The following TAX1BP1 variants were observed in gnomAD, a reference collection of about 807,000 sequenced individuals.
TAX1BP1 encodes tax1-binding protein 1.
TAX1BP1 carries 62 observed loss-of-function variants against 97.7 expected under a neutral mutation model. That is an observed-to-expected ratio of 0.63 (90% CI 0.52 to 0.78). The LOEUF (loss-of-function observed/expected upper bound fraction) is 0.78, where lower values mean the gene tolerates loss of function less well. TAX1BP1 is among the 30% of genes least tolerant of loss of function. The pLI, the probability that TAX1BP1 is intolerant of heterozygous loss-of-function variation, is 0.00. For synonymous variants in TAX1BP1, 340 were observed against 304.2 expected, an observed-to-expected ratio of 1.12 and a Z score of -1.23; for missense variants, 867 against 916.1, an observed-to-expected ratio of 0.95 and a Z score of 0.69.
At chr7:27,752,958 T>A (rs554224034) in intron 2 of TAX1BP1, among the ~76,000 whole-genome samples, 10 of 152,362 alleles carry the variant, frequency 6.6e-5, no homozygotes, top group Admixed American at 1.3e-4. Flanking sequence ...GCATGGATTT[T>A]CTTTAGTGAC....
chr7:27,783,248 A>C (rs553988388), intron 5 of TAX1BP1, among the ~76,000 whole-genome samples: 1 of 152,358 alleles, frequency 6.6e-6, no homozygotes. Context: ...AATGACTAAA[A>C]GTGTTTTAGA....
intron 15 of TAX1BP1, among the ~76,000 whole-genome samples, chr7:27,825,533 G>A (rs1791145051): frequency 6.6e-6 from 1 of 152,148 alleles, no homozygotes; most frequent in Admixed American, 6.5e-5. Flanking sequence ...ATTATAACAT[G>A]TAGAATTATA....
intron 1 of TAX1BP1, among the ~76,000 whole-genome samples, chr7:27,741,525 G>A (rs1236127747): frequency 6.7e-6 from 1 of 150,352 alleles, no homozygotes; most frequent in Non-Finnish European, 1.5e-5. Context: ...CCTTGAGATG[G>A]AGTCTTGCTC....
rs781544274 is a variant in TAX1BP1 at position 27,748,661 on chromosome 7, C to T, written c.137C>T (p.Pro46Leu). 11 of 1,558,158 alleles carry T rather than the reference C, an allele frequency of 7.1e-6. No homozygotes were observed. Among genetic ancestry groups the T allele is most frequent in the South Asian group, 1.2e-5 (1 of 80,168 alleles). Residue 46 changes from proline (P) to leucine (L), a missense_variant, in exon 2 of 17, where the codon CCA becomes CTA. Transcript: ENST00000396319. ...YTLTPYIHPH[P>L]KDWVGIFKVG... ...TTAACTCCATATATTCATCCACATC[C>T]AAAAGATTGGGTTGGTATATTCAAG...
In TAX1BP1 at chr7:27,800,107, T is replaced by C. The variant is rs1790076047; in HGVS notation, c.1764+17T>C. The C allele has an allele frequency of 6.4e-7, 1 of 1,553,930 alleles. No homozygotes were observed. Among genetic ancestry groups the C allele is most frequent in the Non-Finnish European group, 8.7e-7 (1 of 1,152,688 alleles). On this transcript the variant is annotated intron_variant, in intron 13 of 16. Coordinates refer to ENST00000396319, the MANE Select transcript of TAX1BP1 (RefSeq NM_006024.7). The stretch of plus-strand genomic sequence containing the variant: ...AATTATAAAGTAAGTTTGGTACTCC[T>C]TGTATGTAAACTTAAGGCATAAACT...
At chr7:27,764,575 GTTA>G (rs368460390) in intron 3 of TAX1BP1, among the ~76,000 whole-genome samples, 1 of 152,090 alleles carries the variant, frequency 6.6e-6, no homozygotes, top group Non-Finnish European at 1.5e-5. Flanking sequence ...TGTAAATAAA[GTTA>G]TTATTTTTTT....
intron 5 of TAX1BP1, among the ~76,000 whole-genome samples, chr7:27,770,654 G>A (rs188678805): frequency 6.6e-6 from 1 of 152,074 alleles, no homozygotes; most frequent in Non-Finnish European, 1.5e-5. Flanking sequence ...TAAATGAACC[G>A]CTAGTGCAGT....
At chr7:27,800,148 T>C (rs1790077743) in intron 13 of TAX1BP1, 58 bp downstream of exon 13, 1 of 1,447,198 alleles carries the variant, frequency 6.9e-7, no homozygotes, top group African/African-American at 1.4e-5. Flanking sequence ...AAATTAGTTA[T>C]GTATAATTTT....
At chr7:27,781,112 G>T (rs1167382372) in intron 5 of TAX1BP1, among the ~76,000 whole-genome samples, 1 of 152,066 alleles carries the variant, frequency 6.6e-6, no homozygotes, top group Non-Finnish European at 1.5e-5. Flanking sequence ...TTTGTAGCCT[G>T]TCTCTCTTCC....
chr7:27,762,988 T>G (rs1044091988), intron 3 of TAX1BP1, among the ~76,000 whole-genome samples: 1 of 152,170 alleles, frequency 6.6e-6, no homozygotes, highest in Non-Finnish European at 1.5e-5. Context: ...ATGCAATATG[T>G]TTTACAAGTT....
chr7:27,780,905 T>G (rs1279505301), intron 5 of TAX1BP1, among the ~76,000 whole-genome samples: 1 of 152,158 alleles, frequency 6.6e-6, no homozygotes, highest in Non-Finnish European at 1.5e-5. Context: ...TTTTCATAGT[T>G]TATTTCATAA....
intron 10 of TAX1BP1, among the ~76,000 whole-genome samples, chr7:27,793,920 C>T (rs1419086166): frequency 6.6e-6 from 1 of 152,124 alleles, no homozygotes; most frequent in Non-Finnish European, 1.5e-5. Context: ...TTTTTTAAAT[C>T]AGAGGAGACA....
intron 8 of TAX1BP1, 151 bp downstream of exon 8, chr7:27,787,754 T>TG (rs1680347909): frequency 3.0e-6 from 2 of 672,976 alleles, no homozygotes; most frequent in Non-Finnish European, 4.6e-6. Flanking sequence ...TGAATACTGA[T>TG]GTACCCTAAA....
intron 2 of TAX1BP1, among the ~76,000 whole-genome samples, chr7:27,755,391 CTATT>C (rs1165607345): frequency 3.3e-5 from 5 of 152,252 alleles, no homozygotes; most frequent in East Asian, 3.9e-4. Flanking sequence ...CCCCTCTTCT[CTATT>C]TCTTTCTTTC....
chr7:27,777,563 A>G (rs892879630), intron 5 of TAX1BP1, among the ~76,000 whole-genome samples: 3 of 151,986 alleles, frequency 2.0e-5, no homozygotes, highest in Non-Finnish European at 4.4e-5. Context: ...GCCTGGGTTA[A>G]TTTCCTCACA....
intron 4 of TAX1BP1, among the ~76,000 whole-genome samples, chr7:27,767,416 G>T (rs1788686095): frequency 6.6e-6 from 1 of 152,018 alleles, no homozygotes; most frequent in Non-Finnish European, 1.5e-5. Context: ...ACTTTTATTA[G>T]ACAGTCAAAC....
chr7:27,790,280 T>C (rs1417146836), intron 8 of TAX1BP1, among the ~76,000 whole-genome samples: 1 of 151,986 alleles, frequency 6.6e-6, no homozygotes, highest in African/African-American at 2.4e-5. Context: ...AACAACTGTG[T>C]AGTATATGTT....
chr7:27,788,205 T>C (rs2128316927), intron 8 of TAX1BP1, among the ~76,000 whole-genome samples: 1 of 152,188 alleles, frequency 6.6e-6, no homozygotes, highest in Non-Finnish European at 1.5e-5. Flanking sequence ...AGGTGAGACA[T>C]TTTTGCAAGA....
intron 5 of TAX1BP1, among the ~76,000 whole-genome samples, chr7:27,779,332 C>T (rs1006610771): frequency 1.3e-5 from 2 of 152,070 alleles, no homozygotes; most frequent in African/African-American, 2.4e-5. Context: ...TCTTGAGGCA[C>T]TTTCTGACAA....
Sources: allele counts gnomAD v4.1 joint callset (sites outside exome capture counted in the v4.1 genomes callset), GRCh38; gene constraint gnomAD v4.1.1; transcripts MANE v1.5; gene names NCBI Gene and HGNC (gene_info 2026-07-23, HGNC 2026-07-21).